Variants in LSAMP observed in about 807,000 individuals in gnomAD.
The protein encoded by LSAMP is limbic system-associated membrane protein.
LSAMP carries 7 observed loss-of-function variants against 38.6 expected under a neutral mutation model. The ratio of observed to expected loss-of-function variants is 0.18; its 90% CI spans 0.10 to 0.34. The LOEUF is 0.34. Ranked by LOEUF, LSAMP falls within the 10% of genes least tolerant of loss-of-function variation. LSAMP has a pLI of 1.00. For missense variants in LSAMP, 313 were observed against 420.0 expected (o/e 0.75, Z 2.23); for synonymous variants, 154 against 166.8 (o/e 0.92, Z 0.59).
At chr3:116,340,096 T>C (rs536480349) in intron 1 of LSAMP, among the ~76,000 whole-genome samples, 16 of 152,210 alleles carry the variant, frequency 1.1e-4, no homozygotes, top group Admixed American at 1.0e-3. Flanking sequence ...TTGCCAGTTC[T>C]AGCTCTGTCA....
intron 1 of LSAMP, among the ~76,000 whole-genome samples, chr3:116,342,983 T>C (rs2048016832): frequency 6.6e-6 from 1 of 152,096 alleles, no homozygotes. Context: ...AGATGAATAG[T>C]TGTTCCATTA....
intron 3 of LSAMP, among the ~76,000 whole-genome samples, chr3:115,890,417 A>T (rs1233647441): frequency 1.3e-5 from 2 of 151,932 alleles, no homozygotes; most frequent in Non-Finnish European, 2.9e-5. Flanking sequence ...TCTGTCTATT[A>T]ATCAACATGG....
rs114796184 is a variant in LSAMP, at chr3:116,357,755, C to A, written c.155+87122G>T. ...TGAGCCCAATTATCTTGTTCCAAAGCTAATATAAGTAAATAATAAATAAAC... is the reference window on the plus strand; with the variant it reads ...TGAGCCCAATTATCTTGTTCCAAAGATAATATAAGTAAATAATAAATAAAC... On this transcript the variant is annotated intron_variant, in intron 1 of 6. Coordinates refer to ENST00000490035, the MANE Select transcript of LSAMP (RefSeq NM_002338.5). Among the ~76,000 whole-genome samples, 294 of 152,070 alleles carry A rather than the reference C, an allele frequency of 1.9e-3. 1 individual carries two copies. Among genetic ancestry groups the A allele is most frequent in the African/African-American group, 6.4e-3 (264 of 41,496 alleles).
intron 3 of LSAMP, among the ~76,000 whole-genome samples, chr3:115,874,634 G>C (rs1171579471): frequency 6.6e-6 from 1 of 152,110 alleles, no homozygotes; most frequent in East Asian, 1.9e-4. Context: ...TGCACTAGAT[G>C]CTGAGTGAAG....
chr3:116,248,063 A>G (rs1467643016), intron 1 of LSAMP, among the ~76,000 whole-genome samples: 2 of 152,234 alleles, frequency 1.3e-5, no homozygotes, highest in Non-Finnish European at 2.9e-5. Flanking sequence ...TCTGGGTGTT[A>G]GCAGTTACCA....
chr3:116,214,128 A>G (rs2046193412), intron 1 of LSAMP, among the ~76,000 whole-genome samples: 1 of 152,242 alleles, frequency 6.6e-6, no homozygotes, highest in Non-Finnish European at 1.5e-5. Context: ...TCATACTGAA[A>G]AAAGCAAATG....
At chr3:116,341,866 A>C (rs1279465796) in intron 1 of LSAMP, among the ~76,000 whole-genome samples, 1 of 152,036 alleles carries the variant, frequency 6.6e-6, no homozygotes, top group Admixed American at 6.6e-5. Context: ...GAAATGATGA[A>C]AGAAATGGAA....
intron 3 of LSAMP, among the ~76,000 whole-genome samples, chr3:115,931,017 T>G (rs181759127): frequency 5.6e-4 from 86 of 152,352 alleles, no homozygotes; most frequent in African/African-American, 1.9e-3. Flanking sequence ...AACACTTCTA[T>G]TTTTACAGAA....
intron 1 of LSAMP, among the ~76,000 whole-genome samples, chr3:116,437,528 C>A (rs1377375574): frequency 6.6e-6 from 1 of 151,966 alleles, no homozygotes; most frequent in Non-Finnish European, 1.5e-5. Context: ...CCTTGACCAG[C>A]ACTAACTGGA....
intron 3 of LSAMP, among the ~76,000 whole-genome samples, chr3:116,003,000 T>A (rs1940046731): frequency 6.6e-6 from 1 of 152,198 alleles, no homozygotes; most frequent in Non-Finnish European, 1.5e-5. Context: ...TGATAGTATT[T>A]TTTTAATATT....
chr3:115,987,598 T>C (rs1433276388), intron 3 of LSAMP, among the ~76,000 whole-genome samples: 2 of 152,196 alleles, frequency 1.3e-5, no homozygotes, highest in Non-Finnish European at 2.9e-5. Context: ...GTAACACTGT[T>C]TAGGTCAACA....
At chr3:116,179,375 G>T (rs1322830645) in intron 1 of LSAMP, among the ~76,000 whole-genome samples, 1 of 152,102 alleles carries the variant, frequency 6.6e-6, no homozygotes, top group Non-Finnish European at 1.5e-5. Flanking sequence ...ATGCTTGATG[G>T]TTGCACATCA....
chr3:116,438,060 C>CAAAAA (rs10637606), intron 1 of LSAMP, among the ~76,000 whole-genome samples: 30 of 126,270 alleles, frequency 2.4e-4, no homozygotes, highest in Non-Finnish European at 4.1e-4. Context: ...CAGGTAACTA[C>CAAAAA]AAAAAAAAAA....
At chr3:115,938,197 G>A (rs1937776211) in intron 3 of LSAMP, among the ~76,000 whole-genome samples, 1 of 152,120 alleles carries the variant, frequency 6.6e-6, no homozygotes, top group South Asian at 2.1e-4. Flanking sequence ...AATTTATTAT[G>A]AGTGTGGTTT....
intron 1 of LSAMP, among the ~76,000 whole-genome samples, chr3:116,403,561 C>G (rs540154142): frequency 6.6e-6 from 1 of 151,832 alleles, no homozygotes; most frequent in African/African-American, 2.4e-5. Context: ...TAACTAAATC[C>G]AAATTAATAA....
At chr3:115,839,995 G>A (rs113153173) in intron 6 of LSAMP, among the ~76,000 whole-genome samples, 2,672 of 152,228 alleles carry the variant, frequency 0.018, 81 homozygotes, top group African/African-American at 0.06. Context: ...CCATGACCAC[G>A]AGCAGTATCT....
intron 2 of LSAMP, among the ~76,000 whole-genome samples, chr3:116,045,541 TAAAA>T (rs10662058): frequency 5.3e-5 from 4 of 76,012 alleles, no homozygotes; most frequent in Non-Finnish European, 7.8e-5. Flanking sequence ...GTGGAGGTGG[TAAAA>T]AAAAAAAAAA....
chr3:115,945,903 G>A (rs1015180701), intron 3 of LSAMP, among the ~76,000 whole-genome samples: 2 of 152,084 alleles, frequency 1.3e-5, no homozygotes, highest in African/African-American at 4.8e-5. Context: ...CCTTTGTTAA[G>A]GCAAAGCTAG....
intron 6 of LSAMP, among the ~76,000 whole-genome samples, chr3:115,833,359 G>GTTT (rs59072688): frequency 0.05 from 6,350 of 127,958 alleles, 218 homozygotes; most frequent in African/African-American, 0.088. Context: ...TTTTAGGGAA[G>GTTT]TTTTTTTTTT....
Sources: allele counts gnomAD v4.1 joint callset (sites outside exome capture counted in the v4.1 genomes callset), GRCh38; gene constraint gnomAD v4.1.1; transcripts MANE v1.5; gene names NCBI Gene and HGNC (gene_info 2026-07-23, HGNC 2026-07-21).